ST6GALNAC3: variants seen among roughly 807,000 people sequenced by gnomAD.
ST6GALNAC3 encodes ST6 N-acetylgalactosaminide alpha-2,6-sialyltransferase 3.
In ST6GALNAC3, 25 loss-of-function variants were observed where a neutral mutation model predicts 32.7. The ratio of observed to expected loss-of-function variants is 0.76; its 90% confidence interval spans 0.56 to 1.07. The LOEUF (loss-of-function observed/expected upper bound fraction) is 1.07. Among genes scored for constraint, ST6GALNAC3 ranks in the 50% least tolerant of loss-of-function variants. The probability of loss-of-function intolerance (pLI) is 0.00; values close to 1 mark genes in which losing one functional copy is unlikely to be tolerated. For missense variants in ST6GALNAC3, 355 were observed against 382.4 expected (o/e 0.93, Z 0.60); for synonymous variants, 129 against 133.1 (o/e 0.97, Z 0.21).
chr1:76,128,860 A>G (rs1217790655), intron 1 of ST6GALNAC3, among the ~76,000 whole-genome samples: 1 of 152,208 alleles, frequency 6.6e-6, no homozygotes, highest in Non-Finnish European at 1.5e-5. Context: ...GTGGATACAC[A>G]GGTTTACAGA....
intron 3 of ST6GALNAC3, among the ~76,000 whole-genome samples, chr1:76,486,258 A>G (rs537057051): frequency 1.0e-4 from 14 of 138,384 alleles, no homozygotes; most frequent in Admixed American, 7.1e-4. Context: ...TGCAGAGCTG[A>G]GTTCAATTCC....
intron 1 of ST6GALNAC3, among the ~76,000 whole-genome samples, chr1:76,251,629 A>G (rs956148317): frequency 6.6e-6 from 1 of 152,142 alleles, no homozygotes; most frequent in Non-Finnish European, 1.5e-5. Flanking sequence ...TCCAAAGTGA[A>G]CTTGGAAAGT....
At chr1:76,305,339 A>G (rs539228334) in intron 1 of ST6GALNAC3, among the ~76,000 whole-genome samples, 1 of 152,230 alleles carries the variant, frequency 6.6e-6, no homozygotes, top group South Asian at 2.1e-4. Flanking sequence ...CTAATGAAGA[A>G]GATGTGATAT....
chr1:76,156,857 A>G (rs945280839), intron 1 of ST6GALNAC3, among the ~76,000 whole-genome samples: 44 of 152,156 alleles, frequency 2.9e-4, no homozygotes, highest in Non-Finnish European at 5.3e-4. Context: ...TCAGCCTCCC[A>G]AGTAGCTGGG....
chr1:76,088,706 C>G (rs1321759662), intron 1 of ST6GALNAC3, among the ~76,000 whole-genome samples: 1 of 152,104 alleles, frequency 6.6e-6, no homozygotes, highest in Non-Finnish European at 1.5e-5. Context: ...GTTGATCTGT[C>G]AGTCAAAAAA....
intron 1 of ST6GALNAC3, among the ~76,000 whole-genome samples, chr1:76,117,424 G>A (rs2100825312): frequency 6.6e-6 from 1 of 152,316 alleles, no homozygotes; most frequent in South Asian, 2.1e-4. Flanking sequence ...TTCACTTGTA[G>A]CAGTTCTCTC....
At chr1:76,462,925 G>A (rs1199091550) in intron 3 of ST6GALNAC3, among the ~76,000 whole-genome samples, 4 of 151,516 alleles carry the variant, frequency 2.6e-5, no homozygotes, top group Non-Finnish European at 5.9e-5. Context: ...GTACTCTGAA[G>A]TATATTCCTT....
intron 1 of ST6GALNAC3, among the ~76,000 whole-genome samples, chr1:76,157,457 G>A (rs1651528488): frequency 6.6e-6 from 1 of 152,206 alleles, no homozygotes; most frequent in East Asian, 1.9e-4. Flanking sequence ...ATGGAAAATA[G>A]CCTCGTCAAC....
intron 1 of ST6GALNAC3, among the ~76,000 whole-genome samples, chr1:76,248,223 C>G (rs1657417967): frequency 1.3e-5 from 2 of 152,184 alleles, no homozygotes; most frequent in African/African-American, 4.8e-5. Context: ...ACTGGTCTTG[C>G]TGGGAGCTGC....
intron 1 of ST6GALNAC3, among the ~76,000 whole-genome samples, chr1:76,191,466 G>C (rs767235757): frequency 1.6e-4 from 24 of 152,202 alleles, no homozygotes; most frequent in Middle Eastern, 6.8e-3. Context: ...GTACAGAAGG[G>C]TGACAGTGGT....
At chr1:76,636,820 A>AGATTAGCTG (rs1458832392), downstream of ST6GALNAC3, 3 of 152,234 alleles carry the variant, frequency 2.0e-5, no homozygotes, top group Admixed American at 2.0e-4. Context: ...CCATTGAGAA[A>AGATTAGCTG]GATTAGCTGG....
At chr1:76,169,297 G>C (rs945588807) in intron 1 of ST6GALNAC3, among the ~76,000 whole-genome samples, 4 of 152,260 alleles carry the variant, frequency 2.6e-5, no homozygotes, top group African/African-American at 9.6e-5. Context: ...TTGGCTTGTA[G>C]AGTTTCTGCT....
At chr1:76,402,921 T>A (rs1377556394) in intron 2 of ST6GALNAC3, among the ~76,000 whole-genome samples, 2 of 152,132 alleles carry the variant, frequency 1.3e-5, no homozygotes, top group Non-Finnish European at 2.9e-5. Context: ...TTGAGTCTTA[T>A]CTTCCATGTA....
chr1:76,314,569 G>C (rs1646829307), intron 2 of ST6GALNAC3, among the ~76,000 whole-genome samples: 1 of 152,168 alleles, frequency 6.6e-6, no homozygotes, highest in South Asian at 2.1e-4. Context: ...CCAATTGGTA[G>C]TACAGGAGAG....
chr1:76,435,821 C>A (rs539003647), intron 3 of ST6GALNAC3, among the ~76,000 whole-genome samples: 1 of 151,896 alleles, frequency 6.6e-6, no homozygotes, highest in Non-Finnish European at 1.5e-5. Context: ...CAACCAACAA[C>A]AGACCTATCC....
chr1:76,213,687 T>C (rs1655296836), intron 1 of ST6GALNAC3, among the ~76,000 whole-genome samples: 1 of 152,182 alleles, frequency 6.6e-6, no homozygotes, highest in Non-Finnish European at 1.5e-5. Context: ...ATGGTGAACA[T>C]GCAATCTTTT....
chr1:76,416,622 G>GTTT lies in ST6GALNAC3; in HGVS notation c.623+4207_623+4209dup, dbSNP rs1431727778. ...CTTTTCACTTTTCCAAGTATTGTGG[G>GTTT]TTTTGTTTTTTTTTTTTTTTTTTGA... is the stretch of plus-strand genomic sequence containing the variant. On this transcript the variant is annotated intron_variant, in intron 3 of 4. Coordinates refer to ENST00000328299, the MANE Select transcript of ST6GALNAC3 (RefSeq NM_152996.4). Among the ~76,000 whole-genome samples, 552 of 99,740 alleles carry GTTT rather than the reference G, an allele frequency of 5.5e-3. 7 individuals are homozygous for GTTT. Among genetic ancestry groups the GTTT allele is most frequent in the African/African-American group, 0.019 (524 of 27,652 alleles). 65.4% of individuals were successfully genotyped at this position (99,740 alleles called of 152,430 possible). A position where few individuals can be genotyped will look rare whatever the true frequency, so the allele number is the denominator to read the frequency against.
chr1:76,186,277 C>T (rs911763179), intron 1 of ST6GALNAC3, among the ~76,000 whole-genome samples: 1 of 152,202 alleles, frequency 6.6e-6, no homozygotes, highest in African/African-American at 2.4e-5. Context: ...TCCATAAAGA[C>T]CTCCTGCCGT....
chr1:76,099,150 G>C (rs1259468040), intron 1 of ST6GALNAC3, among the ~76,000 whole-genome samples: 3 of 152,090 alleles, frequency 2.0e-5, no homozygotes, highest in Non-Finnish European at 4.4e-5. Context: ...ATGTCACACT[G>C]TAGTTTTTTA....
Sources: gnomAD v4.1 joint callset for allele counts (sites outside exome capture counted in the v4.1 genomes callset) on GRCh38, gnomAD v4.1.1 for gene constraint, MANE v1.5 for transcripts, NCBI Gene and HGNC (gene_info 2026-07-23, HGNC 2026-07-21) for gene names.